Variants in INPP4B observed in about 807,000 individuals in gnomAD.
The protein encoded by INPP4B is inositol polyphosphate-4-phosphatase type II B.
INPP4B carries 55 observed loss-of-function variants against 122.5 expected under a neutral mutation model. The observed-to-expected ratio is 0.45, with a 90% CI of 0.36 to 0.56. INPP4B has a LOEUF of 0.56. Ranked by LOEUF, INPP4B falls within the 20% of genes least tolerant of loss-of-function variation. The pLI is 0.00. For synonymous variants in INPP4B, 403 were observed against 388.7 expected, an observed-to-expected ratio of 1.04 and a Z score of -0.43; for missense variants, 1,000 against 1,097.7, an observed-to-expected ratio of 0.91 and a Z score of 1.26.
At chr4:142,730,255 T>C (rs755407831) in intron 1 of INPP4B, among the ~76,000 whole-genome samples, 1 of 152,178 alleles carries the variant, frequency 6.6e-6, no homozygotes, top group Non-Finnish European at 1.5e-5. Flanking sequence ...TGATAGCTAT[T>C]GCTTTAAGGG....
chr4:142,100,509 A>T (rs955236957), intron 23 of INPP4B, among the ~76,000 whole-genome samples: 1 of 152,152 alleles, frequency 6.6e-6, no homozygotes, highest in African/African-American at 2.4e-5. Context: ...GACTTCAAAA[A>T]ACCCTGCTTA....
At chr4:142,615,427 G>C (rs952141508) in intron 2 of INPP4B, among the ~76,000 whole-genome samples, 2 of 152,140 alleles carry the variant, frequency 1.3e-5, no homozygotes, top group Non-Finnish European at 2.9e-5. Context: ...GTAAAGCTTT[G>C]TCTACAAATT....
chr4:142,173,727 G>C lies in INPP4B; in HGVS notation c.1264C>G (p.Pro422Ala). Residue 422 changes from proline (P) to alanine (A), a missense_variant, in exon 16 of 26, where the codon CCT (proline) becomes GCT (alanine). Physicochemically the swap from Pro to Ala is conservative, Grantham distance 27. Coordinates refer to ENST00000262992, the MANE Select transcript of INPP4B (RefSeq NM_001101669.3). The stretch of plus-strand genomic sequence containing the variant: ...AGGTCTGCATGGGTTGCTATAAGAG[G>C]TTGTAGTTGATTGATGTTGCTGAGA... ...EVLSNINQLQ[P>A]LIATHADLLL... 2.5e-6 allele frequency: 4 copies of C among 1,613,302 alleles called. No homozygotes were observed. Among genetic ancestry groups the C allele is most frequent in the Non-Finnish European group, 3.4e-6 (4 of 1,179,458 alleles).
At chr4:142,796,016 A>G (rs953494561) in intron 1 of INPP4B, among the ~76,000 whole-genome samples, 1 of 151,970 alleles carries the variant, frequency 6.6e-6, no homozygotes, top group Admixed American at 6.6e-5. Context: ...TTCCACGTTC[A>G]TTGCATTTTA....
chr4:142,072,914 G>A (rs1378521012), intron 25 of INPP4B, among the ~76,000 whole-genome samples: 2 of 151,950 alleles, frequency 1.3e-5, no homozygotes, highest in African/African-American at 4.8e-5. Flanking sequence ...AAGAACCTAA[G>A]GCCTCTTAGA....
At position 142,082,160 on chromosome 4, in the gene INPP4B, C is replaced by T. The variant is rs754717740; in HGVS notation, c.2513G>A (p.Arg838His). The T allele has an allele frequency of 3.3e-6, 5 of 1,525,378 alleles. No individual in the cohort carries two copies. The highest frequency in any genetic ancestry group is 2.3e-5 in the East Asian group (1 of 43,778). The allele number at this position is 1,525,378 out of a possible 1,614,324, so 94.5% of individuals were successfully genotyped here. ...ATICRKLNGI[R>H]FTCCKSAKDR... ...TTTGGCACTTTTACAACAGGTGAAA[C>T]GAATACCATTCAGTTTGCGGCAAAT... The change falls in exon 25 of 26, where the codon CGT (arginine) becomes CAT (histidine). Residue 838 changes from arginine to histidine, a missense_variant. Physicochemically the swap from Arg to His is conservative, Grantham distance 29. Coordinates refer to ENST00000262992, the MANE Select transcript of INPP4B (RefSeq NM_001101669.3).
intron 2 of INPP4B, among the ~76,000 whole-genome samples, chr4:142,509,513 T>C (rs1824445104): frequency 6.6e-6 from 1 of 152,176 alleles, no homozygotes; most frequent in Non-Finnish European, 1.5e-5. Context: ...TTGCTGAGAA[T>C]GACGGTTTCC....
chr4:142,633,079 A>G (rs973866185), intron 2 of INPP4B, among the ~76,000 whole-genome samples: 6 of 152,006 alleles, frequency 3.9e-5, no homozygotes, highest in African/African-American at 1.4e-4. Flanking sequence ...AAATAATCTC[A>G]AAATAATGCT....
chr4:142,311,615 C>T (rs956479251), intron 8 of INPP4B, among the ~76,000 whole-genome samples: 2 of 152,112 alleles, frequency 1.3e-5, no homozygotes, highest in African/African-American at 2.4e-5. Flanking sequence ...AGTGTGGAGA[C>T]ATGACTGATT....
chr4:142,082,866 C>T (rs920520880), intron 24 of INPP4B, among the ~76,000 whole-genome samples: 1 of 152,182 alleles, frequency 6.6e-6, no homozygotes, highest in Non-Finnish European at 1.5e-5. Flanking sequence ...GCGGCTCATG[C>T]CTGTAATCCT....
intron 7 of INPP4B, among the ~76,000 whole-genome samples, chr4:142,323,680 T>C (rs570564553): frequency 2.1e-3 from 320 of 151,934 alleles, no homozygotes; most frequent in Admixed American, 5.6e-3. Flanking sequence ...CTCCTGACCT[T>C]GTGATCTGCC....
intron 5 of INPP4B, among the ~76,000 whole-genome samples, chr4:142,416,482 T>C (rs1488894178): frequency 1.3e-5 from 2 of 152,188 alleles, no homozygotes. Context: ...GTAATTTTTT[T>C]TCCTGAAAAT....
At chr4:142,226,823 G>T (rs915111403) in intron 12 of INPP4B, among the ~76,000 whole-genome samples, 1 of 152,108 alleles carries the variant, frequency 6.6e-6, no homozygotes, top group African/African-American at 2.4e-5. Context: ...GTAGAATGTG[G>T]TTACATGTAG....
At chr4:142,703,709 T>C (rs1470530670) in intron 2 of INPP4B, among the ~76,000 whole-genome samples, 3 of 152,194 alleles carry the variant, frequency 2.0e-5, no homozygotes, top group Non-Finnish European at 4.4e-5. Context: ...AATTAGTTCA[T>C]CCTGGGATAA....
At chr4:142,619,990 A>G (rs2150368161) in intron 2 of INPP4B, among the ~76,000 whole-genome samples, 1 of 152,076 alleles carries the variant, frequency 6.6e-6, no homozygotes, top group African/African-American at 2.4e-5. Context: ...CTCGTTTTTT[A>G]AAGATGAAGA....
chr4:142,817,504 C>G (rs1434068106), intron 1 of INPP4B, among the ~76,000 whole-genome samples: 2 of 152,126 alleles, frequency 1.3e-5, no homozygotes, highest in African/African-American at 2.4e-5. Context: ...CCCAGCTCTT[C>G]TCACACTTTT....
chr4:142,634,592 A>G (rs948298500), intron 2 of INPP4B, among the ~76,000 whole-genome samples: 3 of 152,166 alleles, frequency 2.0e-5, no homozygotes, highest in African/African-American at 7.2e-5. Flanking sequence ...TCATATAACT[A>G]TCTCCATATA....
intron 2 of INPP4B, among the ~76,000 whole-genome samples, chr4:142,695,920 T>C (rs1321778241): frequency 6.6e-6 from 1 of 152,156 alleles, no homozygotes; most frequent in African/African-American, 2.4e-5. Flanking sequence ...GTGTTTCTTA[T>C]CTTGATGTGG....
chr4:142,806,356 G>C lies in INPP4B; in HGVS notation c.-254+39853C>G, dbSNP rs112523369. ...GTGTGCACTATATTTTCAGGCACTT[G>C]ATAATATATATGTATTACCTCTTCA... On this transcript the variant is annotated intron_variant, in intron 1 of 25. Coordinates refer to ENST00000262992, the MANE Select transcript of INPP4B (RefSeq NM_001101669.3). Among the ~76,000 whole-genome samples the C allele has an allele frequency of 1.5e-3, 217 of 149,390 alleles. 1 individual carries two copies. The highest frequency in any genetic ancestry group is 5.3e-3 in the African/African-American group (215 of 40,616).
Sources: gnomAD v4.1 joint callset for allele counts (sites outside exome capture counted in the v4.1 genomes callset) on GRCh38, gnomAD v4.1.1 for gene constraint, MANE v1.5 for transcripts, NCBI Gene and HGNC (gene_info 2026-07-23, HGNC 2026-07-21) for gene names.